The following SELP variants were observed in gnomAD, a reference collection of about 807,000 sequenced individuals.
SELP encodes the protein selectin P.
In SELP, 92 loss-of-function variants were observed where a neutral mutation model predicts 104.1. The observed-to-expected ratio is 0.88, with a 90% CI of 0.75 to 1.05. The LOEUF (loss-of-function observed/expected upper bound fraction) is 1.05. Among genes scored for constraint, SELP ranks in the 50% least tolerant of loss-of-function variants. The pLI, the probability that SELP is intolerant of heterozygous loss-of-function variation, is 0.00. For missense variants in SELP, 1,022 were observed against 1,017.3 expected, an observed-to-expected ratio of 1.00 and a Z score of -0.06; for synonymous variants, 397 against 364.5, an observed-to-expected ratio of 1.09 and a Z score of -1.01.
chr1:169,604,030 A>G lies in SELP; in HGVS notation c.1520-819T>C, dbSNP rs142741903. Among the ~76,000 whole-genome samples, 554 of 152,316 alleles carry G rather than the reference A, an allele frequency of 3.6e-3. 1 individual carries two copies. Among genetic ancestry groups the G allele is most frequent in the Admixed American group, 7.3e-3 (111 of 15,298 alleles). On this transcript the variant is annotated intron_variant, in intron 9 of 16. Transcript: ENST00000263686. ...AGATCCCTGAGGAATTGCCACACTGACTTCCACCATGGTTGAACTAGTTTA... is the reference window on the plus strand; with the variant it reads ...AGATCCCTGAGGAATTGCCACACTGGCTTCCACCATGGTTGAACTAGTTTA...
At chr1:169,620,540 GC>G (rs1663045912) in intron 1 of SELP, among the ~76,000 whole-genome samples, 1 of 152,078 alleles carries the variant, frequency 6.6e-6, no homozygotes. Flanking sequence ...TAAAAACAGT[GC>G]ATTTGCTATG....
At chr1:169,604,758 G>A (rs987162937) in intron 9 of SELP, among the ~76,000 whole-genome samples, 1 of 152,178 alleles carries the variant, frequency 6.6e-6, no homozygotes, top group Non-Finnish European at 1.5e-5. Flanking sequence ...AAGGACTTAT[G>A]GGGGAAAGGG....
rs1661576943 is a variant in SELP, at chr1:169,595,861, C to T, written c.2101+64G>A. On this transcript the variant is annotated intron_variant, in intron 12 of 16. Coordinates refer to ENST00000263686, the MANE Select transcript of SELP (RefSeq NM_003005.4). ...TGGGTGAGACTTCAACATACAGGCACAATGGCTAGCTTGAGTACTTGCAGG... is the reference window on the plus strand; with the variant it reads ...TGGGTGAGACTTCAACATACAGGCATAATGGCTAGCTTGAGTACTTGCAGG... 6 of 1,467,910 alleles carry T rather than the reference C, an allele frequency of 4.1e-6. No homozygotes were observed. In the South Asian group the frequency reaches 7.0e-5, roughly 17 times the overall value. 90.9% of individuals were successfully genotyped at this position (1,467,910 alleles called of 1,614,324 possible).
Position 169,603,331 on chromosome 1 carries a change from G to C in SELP, c.1520-120C>G, listed in dbSNP as rs1030309165. 8.9e-5 allele frequency: 65 copies of C among 730,624 alleles called. 3 individuals carry two copies. The highest frequency in any genetic ancestry group is 1.9e-4 in the African/African-American group (11 of 56,598). The allele number at this position is 730,624 out of a possible 1,614,324, so 45.3% of individuals were successfully genotyped here. On this transcript the variant is annotated intron_variant, in intron 9 of 16. Coordinates refer to ENST00000263686, the MANE Select transcript of SELP (RefSeq NM_003005.4). ...TCTGTGTGTGTGTGTGTGTGTGTGT[G>C]TGTGTGTGTGTGTGTGTGATTAATA...
rs371365553 is a variant in SELP at position 169,606,011 on chromosome 1, T to C, written c.1519+938A>G. ...ATGTTGCAATACTGACAGAGCACAC[T>C]GGCTTGTTAAATATCAAGTACAAGG... On this transcript the variant is annotated intron_variant, in intron 9 of 16. Transcript: ENST00000263686. 2.0e-5 allele frequency among the ~76,000 whole-genome samples: 3 copies of C among 152,176 alleles called. No homozygotes were observed. In the East Asian group the frequency reaches 5.8e-4, roughly 29 times the overall value.
rs1018382401 is a variant in SELP at position 169,603,243 on chromosome 1, A to G, written c.1520-32T>C. On this transcript the variant is annotated intron_variant, in intron 9 of 16. Transcript: ENST00000263686. ...TGGGCATGGCAGAGGAGAAAAGAAG[A>G]GATCATTTTATAATTCAGCAACCTG... The G allele has an allele frequency of 9.5e-6, 15 of 1,585,396 alleles. No individual in the cohort carries two copies. The African/African-American group carries it at 2.0e-4, about 21-fold the overall frequency.
In SELP at chr1:169,612,279, C is replaced by A. The variant is rs1458992577; in HGVS notation, c.899G>T (p.Gly300Val). 6.2e-7 allele frequency: 1 copy of A among 1,614,024 alleles called. No homozygotes were observed. Among genetic ancestry groups the A allele is most frequent in the South Asian group, 1.1e-5 (1 of 91,084 alleles). The stretch of plus-strand genomic sequence containing the variant: ...GGCTGTGCATTGCACCACTTCCGGT[C>A]CAACTAATGCAAATCCCTCTTCACA... ...FSCEEGFALVGPEVVQCTASG... is the reference protein window; with the variant it reads ...FSCEEGFALVVPEVVQCTASG... Residue 300 changes from glycine to valine, a missense_variant, in exon 6 of 17, where the codon GGA becomes GTA. By Grantham distance (109) the Gly-to-Val change is moderately radical. Coordinates refer to ENST00000263686, the MANE Select transcript of SELP (RefSeq NM_003005.4).
At chr1:169,625,383 G>A (rs1211318604) in intron 1 of SELP, among the ~76,000 whole-genome samples, 1 of 152,108 alleles carries the variant, frequency 6.6e-6, no homozygotes, top group Non-Finnish European at 1.5e-5. Context: ...CACCTCCATG[G>A]CCCTATTCTC....
At chr1:169,592,053 G>A (rs1161971691) in intron 14 of SELP, among the ~76,000 whole-genome samples, 1 of 152,166 alleles carries the variant, frequency 6.6e-6, no homozygotes, top group Admixed American at 6.5e-5. Flanking sequence ...ATGTCTCAAA[G>A]TCAAAGAAAG....
rs2101902549 is a variant in SELP, at chr1:169,611,530, T to A, written c.1109A>T (p.Asp370Val). ...CAAGGGTGCAGACCAGTGTCCAGAG[T>A]CAATGCAGCGGAGCATGTCCAAGCC... ...VRGLDMLRCI[D>V]SGHWSAPLPT... Residue 370 changes from aspartate (D) to valine (V), a missense_variant, in exon 7 of 17, where the codon GAC (aspartate) becomes GTC (valine). Physicochemically the swap from Asp to Val is radical, Grantham distance 152. Coordinates refer to ENST00000263686, the MANE Select transcript of SELP (RefSeq NM_003005.4). The A allele has an allele frequency of 6.2e-7, 1 of 1,613,808 alleles. No homozygotes were observed.
intron 13 of SELP, 136 bp downstream of exon 13, chr1:169,594,556 A>G (rs1349645435): frequency 1.3e-6 from 1 of 782,130 alleles, no homozygotes; most frequent in Non-Finnish European, 2.1e-6. Context: ...TGCCTGATTC[A>G]TTGTGAAACA....
At position 169,617,064 on chromosome 1, in the gene SELP, G is replaced by A; in HGVS notation, c.445C>T (p.His149Tyr). ...PSAPGKWNDE[H>Y]CLKKKHALCY... is the part of the protein sequence containing the mutation. ...AATGCGTGCTTTTTCTTCAAGCAGT[G>A]CTCATCATTCCACTTGCCAGGGGCT... The change falls in exon 3 of 17, where the codon CAC becomes TAC. Residue 149 changes from histidine (H) to tyrosine (Y), a missense_variant. Physicochemically the swap from His to Tyr is moderately conservative, Grantham distance 83. Coordinates refer to ENST00000263686, the MANE Select transcript of SELP (RefSeq NM_003005.4). 1 of 1,613,544 alleles carries A rather than the reference G, an allele frequency of 6.2e-7. No homozygotes were observed.
At chr1:169,589,707 C>CT (rs1473719931) in intron 16 of SELP, 3 of 153,524 alleles carry the variant, frequency 2.0e-5, no homozygotes, top group African/African-American at 7.2e-5. Flanking sequence ...GCCATTCAGG[C>CT]TTTTTGTAGG....
chr1:169,619,180 T>C lies in SELP; in HGVS notation c.43A>G (p.Arg15Gly). The change falls in exon 2 of 17, where the codon AGA becomes GGA. Residue 15 changes from arginine (R) to glycine (G), a missense_variant. Physicochemically the swap from Arg to Gly is moderately radical, Grantham distance 125 (BLOSUM62 -2). Transcript: ENST00000263686. ...QIAILYQRFQ[R>G]VVFGISQLLC... Reference sequence around the variant, plus strand: ...AGTTGGGAAATTCCAAAGACCACTCTCTGGAATCTCTGGTACAAGATGGCT... The same window carrying C: ...AGTTGGGAAATTCCAAAGACCACTCCCTGGAATCTCTGGTACAAGATGGCT... The C allele has an allele frequency of 6.2e-7, 1 of 1,614,096 alleles. No individual in the cohort carries two copies. The highest frequency in any genetic ancestry group is 8.5e-7 in the Non-Finnish European group (1 of 1,179,932).
chr1:169,591,210 GT>G (rs1401310060), intron 15 of SELP, among the ~76,000 whole-genome samples: 7 of 152,004 alleles, frequency 4.6e-5, no homozygotes, highest in Non-Finnish European at 8.8e-5. Flanking sequence ...TTTGCATCTT[GT>G]TTTTATTATA....
rs1662882062 is a variant in SELP at position 169,617,516 on chromosome 1, A to G, written c.95-102T>C. On this transcript the variant is annotated intron_variant, in intron 2 of 16. Coordinates refer to ENST00000263686, the MANE Select transcript of SELP (RefSeq NM_003005.4). ...ATACTCAGATGAATTTCCGACCAGA[A>G]CATTAATACACAAAACAACGACTAG... The G allele has an allele frequency of 6.8e-6, 8 of 1,177,570 alleles. No homozygotes were observed. The Admixed American group carries it at 1.2e-4, about 17-fold the overall frequency. The allele number at this position is 1,177,570 out of a possible 1,614,324, so 72.9% of individuals were successfully genotyped here.
intron 4 of SELP, 49 bp from the exon 5 acceptor site, chr1:169,613,163 C>T: frequency 6.7e-7 from 1 of 1,491,950 alleles, no homozygotes; most frequent in Non-Finnish European, 9.0e-7. Context: ...GAATTAACAG[C>T]AATGTCATGT....
chr1:169,612,830 T>A, intron 5 of SELP, 99 bp downstream of exon 5: 1 of 994,892 alleles, frequency 1.0e-6, no homozygotes, highest in Non-Finnish European at 1.4e-6. Context: ...ACCTAGATGG[T>A]CATTATTTCT....
rs1661530356 is a variant in SELP, at chr1:169,594,942, C to A, written c.2102-65G>T. 12 of 1,420,584 alleles carry A rather than the reference C, an allele frequency of 8.4e-6. No homozygotes were observed. The South Asian group carries it at 1.2e-4, about 14-fold the overall frequency. The allele number at this position is 1,420,584 out of a possible 1,614,324, so 88.0% of individuals were successfully genotyped here. A position where few individuals can be genotyped will look rare whatever the true frequency, so the allele number is the denominator to read the frequency against. ...TTGGAGGTGAAAGAGATTATAGTTT[C>A]TTTTGTAACCTAACATTGCCAATAA... On this transcript the variant is annotated intron_variant, in intron 12 of 16. Transcript: ENST00000263686.
Sources: allele counts gnomAD v4.1 joint callset (sites outside exome capture counted in the v4.1 genomes callset), GRCh38; gene constraint gnomAD v4.1.1; transcripts MANE v1.5; gene names NCBI Gene and HGNC (gene_info 2026-07-23, HGNC 2026-07-21).